TENM4: variants seen among roughly 807,000 people sequenced by gnomAD.
TENM4 encodes teneurin-4.
A neutral mutation model predicts 243.3 loss-of-function variants in TENM4; 82 were observed. That is an observed-to-expected ratio of 0.34 (90% CI 0.28 to 0.40). The LOEUF (loss-of-function observed/expected upper bound fraction) is 0.40. TENM4 is among the 10% of genes least tolerant of loss of function. TENM4 has a pLI of 1.00. For missense variants in TENM4, 3,138 were observed against 3,673.3 expected (o/e 0.85, Z 3.77); for synonymous variants, 1,412 against 1,456.3 (o/e 0.97, Z 0.69).
At chr11:78,785,532 A>T (rs1320888439) in intron 16 of TENM4, among the ~76,000 whole-genome samples, 1 of 152,150 alleles carries the variant, frequency 6.6e-6, no homozygotes, top group Non-Finnish European at 1.5e-5. Context: ...AAGTTCCGTG[A>T]CCTTAAGCCT....
intron 23 of TENM4, among the ~76,000 whole-genome samples, chr11:78,724,941 G>C (rs1264418798): frequency 6.6e-6 from 1 of 152,220 alleles, no homozygotes; most frequent in Admixed American, 6.5e-5. Flanking sequence ...CAGAGAGAGA[G>C]GAGCCTGGGT....
At chr11:79,191,949 G>A (rs1372640723) in intron 3 of TENM4, among the ~76,000 whole-genome samples, 8 of 151,324 alleles carry the variant, frequency 5.3e-5, no homozygotes, top group Non-Finnish European at 1.2e-4. Context: ...AGGGAGGTGG[G>A]GGTCAGCCCC....
chr11:79,294,081 C>CTCTGCTA (rs1475108231), intron 2 of TENM4, among the ~76,000 whole-genome samples: 2 of 152,202 alleles, frequency 1.3e-5, no homozygotes, highest in African/African-American at 4.8e-5. Flanking sequence ...GAGAGCAATC[C>CTCTGCTA]TAGTCCTGTC....
intron 28 of TENM4, among the ~76,000 whole-genome samples, chr11:78,693,501 T>C (rs1858879352): frequency 6.6e-6 from 1 of 152,234 alleles, no homozygotes; most frequent in African/African-American, 2.4e-5. Context: ...AACACTGTTT[T>C]CCCAAGTCTC....
At chr11:78,925,355 A>G (rs895606451) in intron 6 of TENM4, among the ~76,000 whole-genome samples, 1 of 152,052 alleles carries the variant, frequency 6.6e-6, no homozygotes. Context: ...TAGTAGTAGT[A>G]GTTTTCCTGT....
intron 30 of TENM4, among the ~76,000 whole-genome samples, chr11:78,674,714 C>A (rs913829828): frequency 2.6e-5 from 4 of 152,112 alleles, no homozygotes; most frequent in Non-Finnish European, 5.9e-5. Flanking sequence ...GCTAGGCCTT[C>A]CTCGGGGAGC....
intron 6 of TENM4, among the ~76,000 whole-genome samples, chr11:78,959,487 C>G (rs966770283): frequency 6.6e-6 from 1 of 152,102 alleles, no homozygotes. Context: ...ATAGAAGATC[C>G]CTGGTTTTGG....
intron 2 of TENM4, among the ~76,000 whole-genome samples, chr11:79,272,622 C>T (rs570838006): frequency 6.6e-6 from 1 of 152,132 alleles, no homozygotes; most frequent in South Asian, 2.1e-4. Flanking sequence ...AAAGCTGGAT[C>T]TTTCAGTTTC....
intron 3 of TENM4, among the ~76,000 whole-genome samples, chr11:79,213,357 G>A (rs1863988179): frequency 6.6e-6 from 1 of 152,166 alleles, no homozygotes; most frequent in African/African-American, 2.4e-5. Flanking sequence ...AACAAAGTAG[G>A]TCCCTGCCCT....
chr11:78,994,962 G>C lies in TENM4; in HGVS notation c.493+69776C>G, dbSNP rs1858135376. On this transcript the variant is annotated intron_variant, in intron 6 of 33. Transcript: ENST00000278550. ...GAATAAAACGCAATTCTGGTCTTCA[G>C]GGATTTCATGTCTTTTGGGAGATAT... Among the ~76,000 whole-genome samples the C allele has an allele frequency of 2.6e-5, 4 of 152,218 alleles. No homozygotes were observed. The South Asian group carries it at 8.3e-4, about 31-fold the overall frequency.
intron 4 of TENM4, among the ~76,000 whole-genome samples, chr11:79,115,291 G>A (rs1018897432): frequency 3.3e-5 from 5 of 152,154 alleles, no homozygotes; most frequent in Non-Finnish European, 7.3e-5. Flanking sequence ...CCAGCCTGGG[G>A]TGGGCAGAGG....
At chr11:79,083,672 C>A (rs887342088) in intron 4 of TENM4, among the ~76,000 whole-genome samples, 2 of 152,166 alleles carry the variant, frequency 1.3e-5, no homozygotes, top group Non-Finnish European at 2.9e-5. Context: ...GCCTTCCTGG[C>A]GGCCCTAACT....
chr11:79,036,207 G>C (rs546947549), intron 6 of TENM4, among the ~76,000 whole-genome samples: 1 of 152,324 alleles, frequency 6.6e-6, no homozygotes, highest in East Asian at 1.9e-4. Flanking sequence ...AGGTTCCCTG[G>C]AGCACTTTGA....
rs572098499 is a variant in TENM4 at position 78,756,604 on chromosome 11, A to C, written c.2756+201T>G. Reference sequence around the variant, plus strand: ...GGGAGCAACAAAACTTTGCTCATAAAAATTCCAAACTCCTTGGAGAGTAGT... The same window carrying C: ...GGGAGCAACAAAACTTTGCTCATAACAATTCCAAACTCCTTGGAGAGTAGT... On this transcript the variant is annotated intron_variant, in intron 19 of 33. Transcript: ENST00000278550. 5.5e-5 allele frequency: 32 copies of C among 579,166 alleles called. 1 individual carries two copies. In the South Asian group the frequency reaches 6.4e-4, roughly 12 times the overall value. The allele number at this position is 579,166 out of a possible 1,614,324, so 35.9% of individuals were successfully genotyped here. A position where few individuals can be genotyped will look rare whatever the true frequency, so the allele number is the denominator to read the frequency against.
chr11:79,131,409 A>AT (rs1425788510), intron 4 of TENM4, among the ~76,000 whole-genome samples: 2 of 152,186 alleles, frequency 1.3e-5, no homozygotes, highest in Non-Finnish European at 2.9e-5. Context: ...TCAGCCAAGA[A>AT]TTTTGTATCC....
chr11:79,177,870 C>A (rs1863198007), intron 3 of TENM4, among the ~76,000 whole-genome samples: 1 of 152,074 alleles, frequency 6.6e-6, no homozygotes, highest in Admixed American at 6.5e-5. Flanking sequence ...ATGTGTAGAG[C>A]CCCATGGGAC....
chr11:79,371,101 GC>G (rs1857776044), intron 1 of TENM4, among the ~76,000 whole-genome samples: 1 of 152,180 alleles, frequency 6.6e-6, no homozygotes, highest in Non-Finnish European at 1.5e-5. Flanking sequence ...TAAACAATAA[GC>G]TATGTGTGCA....
At chr11:78,943,363 G>T (rs566828057) in intron 6 of TENM4, among the ~76,000 whole-genome samples, 2 of 152,352 alleles carry the variant, frequency 1.3e-5, no homozygotes, top group East Asian at 3.9e-4. Context: ...ACGCCTTGGT[G>T]TGGGGGCAAG....
At chr11:78,726,309 T>C in intron 22 of TENM4, 87 bp from the exon 23 acceptor site, 2 of 1,443,706 alleles carry the variant, frequency 1.4e-6, no homozygotes, top group South Asian at 1.6e-5. Context: ...CCCTGGCTTA[T>C]CTTTTGTAGA....
Sources: allele counts gnomAD v4.1 joint callset (sites outside exome capture counted in the v4.1 genomes callset), GRCh38; gene constraint gnomAD v4.1.1; transcripts MANE v1.5; gene names NCBI Gene and HGNC (gene_info 2026-07-23, HGNC 2026-07-21).